SORL1: variants seen among roughly 807,000 people sequenced by gnomAD.
The protein encoded by SORL1 is sortilin related receptor 1, also known as sortilin-related receptor.
A neutral mutation model predicts 273.7 loss-of-function variants in SORL1; 127 were observed. That is an observed-to-expected ratio of 0.46 (90% CI 0.40 to 0.54). SORL1 has a LOEUF of 0.54. Ranked by LOEUF, SORL1 falls within the 20% of genes least tolerant of loss-of-function variation. The pLI is 0.00. For missense variants in SORL1, 2,494 were observed against 2,846.1 expected, an observed-to-expected ratio of 0.88 and a Z score of 2.81; for synonymous variants, 1,031 against 1,067.4, an observed-to-expected ratio of 0.97 and a Z score of 0.66.
intron 6 of SORL1, among the ~76,000 whole-genome samples, chr11:121,504,391 G>A (rs1171166077): frequency 1.3e-5 from 2 of 152,030 alleles, no homozygotes; most frequent in East Asian, 1.9e-4. Context: ...CAGCCTGGGC[G>A]ACAGAGCGAG....
intron 8 of SORL1, among the ~76,000 whole-genome samples, chr11:121,519,834 T>C (rs1261175585): frequency 1.3e-5 from 2 of 152,226 alleles, no homozygotes; most frequent in Non-Finnish European, 2.9e-5. Context: ...AGTGATGTAA[T>C]AGATGTGACT....
At chr11:121,584,943 A>G (rs116601912) in intron 26 of SORL1, among the ~76,000 whole-genome samples, 12,433 of 152,212 alleles carry the variant, frequency 0.082, 527 homozygotes, top group African/African-American at 0.1. Flanking sequence ...TGCTCAGGAG[A>G]AAGGGTGACC....
rs1465657643 is a variant in SORL1 at position 121,532,550 on chromosome 11, A to G, written c.1683A>G (p.Leu561=). The G allele has an allele frequency of 2.5e-6, 4 of 1,613,864 alleles. No homozygotes were observed. Among genetic ancestry groups the G allele is most frequent in the South Asian group, 2.2e-5 (2 of 91,070 alleles). ...CCCAGGGCATGGAAACCAACGAGCT[A>G]AAGTAAGTGTCTCTGATGAGGCCTT... The part of the protein sequence containing the change: ...AIAQGMETNE[L]KYSTNEGETW... Residue 561 remains leucine (L), a splice_region_variant and synonymous_variant, in exon 12 of 48, where the codon CTA becomes CTG. Coordinates refer to ENST00000260197, the MANE Select transcript of SORL1 (RefSeq NM_003105.6).
chr11:121,602,031 T>C (rs571360901), intron 32 of SORL1, among the ~76,000 whole-genome samples: 1 of 152,340 alleles, frequency 6.6e-6, no homozygotes, highest in African/African-American at 2.4e-5. Context: ...CATATCCCCA[T>C]ATTTTTAACA....
At chr11:121,560,821 C>A (rs141282937) in intron 21 of SORL1, among the ~76,000 whole-genome samples, 2 of 152,302 alleles carry the variant, frequency 1.3e-5, no homozygotes, top group African/African-American at 4.8e-5. Context: ...GTATTATGAT[C>A]CATGGTTTAT....
rs1863044770 is a variant in SORL1, at chr11:121,583,513, C to T, written c.3636C>T (p.Ile1212=). 1 of 1,612,872 alleles carries T rather than the reference C, an allele frequency of 6.2e-7. No individual in the cohort carries two copies. The highest frequency in any genetic ancestry group is 8.5e-7 in the Non-Finnish European group (1 of 1,179,424). The change falls in exon 26 of 48, where the codon ATC becomes ATT. Residue 1212 remains isoleucine (I), a synonymous_variant. Transcript: ENST00000260197. ...TCCAGTGCCGAAACGGGCACTGCAT[C>T]CCCCAGCGGTGGGCGTGTGACGGGG... The part of the protein sequence containing the change: ...SNFQCRNGHC[I]PQRWACDGDT...
chr11:121,521,029 A>C (rs1265948916), intron 9 of SORL1, among the ~76,000 whole-genome samples, 180 bp downstream of exon 9: 1 of 151,678 alleles, frequency 6.6e-6, no homozygotes, highest in Non-Finnish European at 1.5e-5. Flanking sequence ...CTCTGCTCCA[A>C]GGTCTTGCTA....
chr11:121,512,874 G>A, intron 6 of SORL1, 129 bp from the exon 7 acceptor site: 1 of 666,478 alleles, frequency 1.5e-6, no homozygotes, highest in South Asian at 1.9e-5. Flanking sequence ...ACATGAATTT[G>A]CAATCACAGT....
chr11:121,585,470 A>G (rs1385551796), intron 26 of SORL1, among the ~76,000 whole-genome samples: 1 of 149,986 alleles, frequency 6.7e-6, no homozygotes, highest in African/African-American at 2.5e-5. Flanking sequence ...GTGACAGAGC[A>G]AGACTCTGCC....
Position 121,558,788 on chromosome 11 carries a change from C to T in SORL1, c.2861C>T (p.Ser954Phe). 6.2e-7 allele frequency: 1 copy of T among 1,614,176 alleles called. No homozygotes were observed. The highest frequency in any genetic ancestry group is 8.5e-7 in the Non-Finnish European group (1 of 1,180,032). ...ERITFSGQQRSVILDNLPHPY... is the reference protein window; with the variant it reads ...ERITFSGQQRFVILDNLPHPY... ...ATCACGTTCAGTGGCCAGCAGCGCT[C>T]TGTCATTCTGGACAACCTCCCGCAC... Residue 954 changes from serine to phenylalanine, a missense_variant, in exon 20 of 48, where the codon TCT (serine) becomes TTT (phenylalanine). Around this residue, in one of 3 missense-constraint regions of SORL1, gnomAD observed 1,609 missense variants for 1,816.4 expected, o/e 0.89. Coordinates refer to ENST00000260197, the MANE Select transcript of SORL1 (RefSeq NM_003105.6).
intron 8 of SORL1, among the ~76,000 whole-genome samples, chr11:121,516,345 T>G (rs1464135520): frequency 6.6e-6 from 1 of 152,128 alleles, no homozygotes; most frequent in Admixed American, 6.5e-5. Context: ...TGTTGATAGA[T>G]GGGACGAGGG....
At chr11:121,591,525 C>T (rs1287736248) in intron 31 of SORL1, among the ~76,000 whole-genome samples, 5 of 152,164 alleles carry the variant, frequency 3.3e-5, no homozygotes, top group African/African-American at 1.2e-4. Flanking sequence ...GTGTATTAAA[C>T]TCTGGGGAGA....
rs779660056 is a variant in SORL1, at chr11:121,522,629, A to G, written c.1448A>G (p.Gln483Arg). The G allele has an allele frequency of 5.6e-6, 9 of 1,614,102 alleles. No homozygotes were observed. The highest frequency in any genetic ancestry group is 7.6e-6 in the Non-Finnish European group (9 of 1,180,044). ...CSLHLAQRLS[Q>R]LLNLQLRRMP... ...CTTCATCTGGCTCAGCGCCTCAGTC[A>G]GCTCCTCAACCTCCAGCTCCGGAGA... Residue 483 changes from glutamine (Q) to arginine (R), a missense_variant, in exon 10 of 48, where the codon CAG becomes CGG. Gln to Arg is a conservative substitution (Grantham distance 43). This residue lies in a region of SORL1 where 710 missense variants were observed against 882.5 expected (regional missense o/e 0.80). Coordinates refer to ENST00000260197, the MANE Select transcript of SORL1 (RefSeq NM_003105.6).
At chr11:121,535,012 G>C (rs1353645109) in intron 12 of SORL1, among the ~76,000 whole-genome samples, 1 of 152,136 alleles carries the variant, frequency 6.6e-6, no homozygotes, top group Non-Finnish European at 1.5e-5. Flanking sequence ...ATTTCTGCTC[G>C]ATGTAGGTTA....
At chr11:121,562,983 T>C (rs1158159059) in intron 21 of SORL1, among the ~76,000 whole-genome samples, 1 of 152,234 alleles carries the variant, frequency 6.6e-6, no homozygotes, top group Non-Finnish European at 1.5e-5. Context: ...TGATAGTAAC[T>C]ACATGTATTG....
At position 121,563,438 on chromosome 11, in the gene SORL1, C is replaced by G. The variant is rs149967954; in HGVS notation, c.3050-3502C>G. On this transcript the variant is annotated intron_variant, in intron 21 of 47. Transcript: ENST00000260197. This position sits in a 1 kb window ranked among gnomAD's most constrained non-coding sequence, Gnocchi z 4.2. ...GGAGACAGAGTCTCGTTCTGTTACCCCGGCTGGAGTGCAGTGATGTGATCT... is the reference window on the plus strand; with the variant it reads ...GGAGACAGAGTCTCGTTCTGTTACCGCGGCTGGAGTGCAGTGATGTGATCT... Among the ~76,000 whole-genome samples the G allele has an allele frequency of 5.7e-4, 87 of 152,226 alleles. No homozygotes were observed. Among genetic ancestry groups the G allele is most frequent in the Middle Eastern group, 3.4e-3 (1 of 294 alleles).
intron 33 of SORL1, 58 bp downstream of exon 33, chr11:121,604,382 C>T (rs1863437382): frequency 9.4e-6 from 15 of 1,592,982 alleles, no homozygotes; most frequent in Admixed American, 5.1e-5. Flanking sequence ...CTCGCTTACC[C>T]CAGGGCCCCT....
At chr11:121,456,131 A>G (rs906091447) in intron 1 of SORL1, among the ~76,000 whole-genome samples, 1 of 152,034 alleles carries the variant, frequency 6.6e-6, no homozygotes, top group Admixed American at 6.6e-5. Context: ...GCGCCATCAT[A>G]CCTGCTTTTT....
At chr11:121,466,339 G>C (rs1479424010) in intron 1 of SORL1, among the ~76,000 whole-genome samples, 1 of 152,150 alleles carries the variant, frequency 6.6e-6, no homozygotes, top group South Asian at 2.1e-4. Flanking sequence ...ATGGAAAAAG[G>C]CTTGGGGAGG....
Sources: allele counts gnomAD v4.1 joint callset (sites outside exome capture counted in the v4.1 genomes callset), GRCh38; gene constraint gnomAD v4.1.1; regional missense constraint gnomAD v4.1.1; non-coding constraint Gnocchi (gnomAD v3.1); transcripts MANE v1.5; gene names NCBI Gene and HGNC (gene_info 2026-07-23, HGNC 2026-07-21).